The following HDAC9 variants were observed in gnomAD, a reference collection of about 807,000 sequenced individuals.
HDAC9 encodes histone deacetylase 9.
HDAC9 carries 41 observed loss-of-function variants against 139.4 expected under a neutral mutation model. The ratio of observed to expected loss-of-function variants is 0.29; its 90% CI spans 0.23 to 0.38. The LOEUF (loss-of-function observed/expected upper bound fraction) is 0.38, where lower values mean the gene tolerates loss of function less well. Among genes scored for constraint, HDAC9 ranks in the 10% least tolerant of loss-of-function variants. The pLI is 1.00. For missense variants in HDAC9, 1,147 were observed against 1,297.0 expected, an observed-to-expected ratio of 0.88 and a Z score of 1.78; for synonymous variants, 517 against 476.2, an observed-to-expected ratio of 1.09 and a Z score of -1.12.
intron 1 of HDAC9, among the ~76,000 whole-genome samples, chr7:18,297,252 T>A (rs759683949): frequency 1.6e-4 from 25 of 152,166 alleles, no homozygotes; most frequent in Non-Finnish European, 3.4e-4. Context: ...AACTTTTTTA[T>A]TTAAAAAACT....
At chr7:18,479,968 A>G (rs1373544030) in intron 1 of HDAC9, among the ~76,000 whole-genome samples, 1 of 145,640 alleles carries the variant, frequency 6.9e-6, no homozygotes, top group Non-Finnish European at 1.5e-5. Context: ...CCTTTATTTT[A>G]TAAATTCCAC....
chr7:18,267,124 G>C (rs1371106889), intron 2 of HDAC9, among the ~76,000 whole-genome samples: 2 of 152,104 alleles, frequency 1.3e-5, no homozygotes, highest in African/African-American at 2.4e-5. Flanking sequence ...ATATCTAAAA[G>C]ACATGGCTTT....
intron 23 of HDAC9, among the ~76,000 whole-genome samples, chr7:18,950,977 T>G (rs1423483196): frequency 1.3e-5 from 2 of 152,022 alleles, no homozygotes; most frequent in South Asian, 2.1e-4. Flanking sequence ...CTGTTTAGCT[T>G]CTTTTATGTT....
intron 2 of HDAC9, among the ~76,000 whole-genome samples, chr7:18,518,895 C>A (rs572611689): frequency 6.6e-6 from 1 of 152,276 alleles, no homozygotes; most frequent in Admixed American, 6.5e-5. Context: ...TTTCTAGATT[C>A]TCTTATTCCA....
At chr7:18,473,901 G>A (rs1380643645) in intron 1 of HDAC9, among the ~76,000 whole-genome samples, 1 of 152,186 alleles carries the variant, frequency 6.6e-6, no homozygotes, top group East Asian at 1.9e-4. Context: ...AGTAAATAAT[G>A]CTATAAAAAG....
intron 23 of HDAC9, among the ~76,000 whole-genome samples, chr7:18,946,036 C>CAAAATAAAAAAAAAAAAAAAAA (rs1563077235): frequency 8.1e-4 from 31 of 38,272 alleles, no homozygotes; most frequent in Non-Finnish European, 1.4e-3. Context: ...GACTCCGTCT[C>CAAAATAAAAAAAAAAAAAAAAA]AAAAAAAAAA....
intron 16 of HDAC9, among the ~76,000 whole-genome samples, chr7:18,784,943 TTGTGTG>T (rs147840943): frequency 3.2e-4 from 9 of 28,174 alleles, no homozygotes; most frequent in South Asian, 1.9e-3. Context: ...TAGCAATTGC[TTGTGTG>T]TGTGTGTGTG....
chr7:18,545,252 C>T (rs1814393819), intron 2 of HDAC9, among the ~76,000 whole-genome samples: 1 of 151,884 alleles, frequency 6.6e-6, no homozygotes, highest in Admixed American at 6.6e-5. Context: ...AGATAGTTCA[C>T]AGTTTCAACA....
intron 21 of HDAC9, among the ~76,000 whole-genome samples, chr7:18,850,863 C>G (rs934177564): frequency 9.2e-5 from 14 of 152,180 alleles, no homozygotes; most frequent in Non-Finnish European, 1.6e-4. Flanking sequence ...GCTAAATCCT[C>G]ACATGGTGGA....
intron 16 of HDAC9, among the ~76,000 whole-genome samples, chr7:18,786,088 A>G (rs916959589): frequency 1.3e-5 from 2 of 152,118 alleles, no homozygotes; most frequent in African/African-American, 4.8e-5. Context: ...TACTTTCTCT[A>G]TGTATTTTCT....
At chr7:18,444,769 G>T (rs1489499785) in intron 1 of HDAC9, among the ~76,000 whole-genome samples, 2 of 152,174 alleles carry the variant, frequency 1.3e-5, no homozygotes, top group African/African-American at 4.8e-5. Flanking sequence ...CGCATTGGTT[G>T]ACTGATAACA....
At chr7:18,434,062 C>G (rs921049712) in intron 1 of HDAC9, among the ~76,000 whole-genome samples, 2 of 152,126 alleles carry the variant, frequency 1.3e-5, no homozygotes, top group African/African-American at 2.4e-5. Flanking sequence ...GGTACAAAAA[C>G]AGACACATAG....
intron 2 of HDAC9, among the ~76,000 whole-genome samples, chr7:18,240,258 A>G (rs1794103357): frequency 1.3e-5 from 2 of 152,126 alleles, no homozygotes; most frequent in South Asian, 4.1e-4. Flanking sequence ...GCCTTAATCA[A>G]CCATAGCTGT....
rs115618349 is a variant in HDAC9 at position 18,209,259 on chromosome 7, T to C, written c.25+46910T>C. Among the ~76,000 whole-genome samples, 454 of 152,274 alleles carry C rather than the reference T, an allele frequency of 3.0e-3. 2 individuals are homozygous for C. The highest frequency in any genetic ancestry group is 0.01 in the African/African-American group (418 of 41,550). The stretch of plus-strand genomic sequence containing the variant: ...GAGATTTTTCATACCTTATCACATA[T>C]TACTTTCCATAATAAACCCATGAGG... On this transcript the variant is annotated intron_variant, in intron 2 of 12. Transcript: ENST00000417496.
At chr7:18,673,625 G>A (rs1795788639) in intron 12 of HDAC9, among the ~76,000 whole-genome samples, 1 of 151,884 alleles carries the variant, frequency 6.6e-6, no homozygotes, top group Non-Finnish European at 1.5e-5. Context: ...TACATGGTTT[G>A]CATTTGTGAC....
chr7:18,241,849 T>G (rs1794207625), intron 2 of HDAC9, among the ~76,000 whole-genome samples: 1 of 152,198 alleles, frequency 6.6e-6, no homozygotes, highest in African/African-American at 2.4e-5. Context: ...CTGCAATCAC[T>G]TTTAAATATA....
intron 2 of HDAC9, among the ~76,000 whole-genome samples, chr7:18,180,226 T>TACACACACACAC (rs67304424): frequency 1.2e-4 from 14 of 120,702 alleles, no homozygotes; most frequent in South Asian, 2.8e-4. Context: ...CCAAGACACA[T>TACACACACACAC]ACACACACAC....
chr7:18,118,292 C>A (rs567492213), intron 1 of HDAC9, among the ~76,000 whole-genome samples: 9 of 152,282 alleles, frequency 5.9e-5, no homozygotes, highest in Non-Finnish European at 1.2e-4. Context: ...TATTGTCAGT[C>A]CTTATGGTTC....
At chr7:18,808,582 A>G (rs966985036) in intron 17 of HDAC9, among the ~76,000 whole-genome samples, 1 of 152,178 alleles carries the variant, frequency 6.6e-6, no homozygotes, top group African/African-American at 2.4e-5. Context: ...TTAGAAAAAA[A>G]TTAAACCAAG....
Sources: allele counts gnomAD v4.1 joint callset (sites outside exome capture counted in the v4.1 genomes callset), GRCh38; gene constraint gnomAD v4.1.1; transcripts MANE v1.5; gene names NCBI Gene and HGNC (gene_info 2026-07-23, HGNC 2026-07-21).